The following SLC35D4 variants were observed in gnomAD, a reference collection of about 807,000 sequenced individuals.
SLC35D4 encodes the protein UDP-N-acetylglucosamine transporter SLC35D4.
the SLC35D4 span, chr18:23,356,544 G>T: frequency 1.3e-6 from 2 of 1,592,248 alleles, no homozygotes; most frequent in South Asian, 1.1e-5. The surrounding 1 kb of genome is among the most constrained non-coding windows in gnomAD (Gnocchi z 4.1). Context: ...CAGAGAGGAA[G>T]ACACAGCGGA....
the SLC35D4 span, among the ~76,000 whole-genome samples, chr18:23,361,103 C>CAAAAAAAAAAAAAAAAAA: frequency 8.5e-5 from 8 of 94,106 alleles, no homozygotes; most frequent in East Asian, 5.6e-4. Flanking sequence ...GACTTTGTCT[C>CAAAAAAAAAAAAAAAAAA]AAAAAAAAAA....
chr18:23,287,030 C>T, the SLC35D4 span, among the ~76,000 whole-genome samples: 2,711 of 150,706 alleles, frequency 0.018, 115 homozygotes, highest in African/African-American at 0.062. Context: ...ACCCTTACCC[C>T]GCTCAATACC....
chr18:23,304,065 A>AT, the SLC35D4 span, among the ~76,000 whole-genome samples: 1 of 150,360 alleles, frequency 6.7e-6, no homozygotes, highest in Non-Finnish European at 1.5e-5. Context: ...TAAAAAAAAA[A>AT]AAAAATCATC....
At chr18:23,374,740 C>T in the SLC35D4 span, among the ~76,000 whole-genome samples, 2 of 152,132 alleles carry the variant, frequency 1.3e-5, no homozygotes, top group Non-Finnish European at 2.9e-5. Context: ...CTGCCTCGGC[C>T]TCCCAAAGTG....
At chr18:23,243,380 A>G in the SLC35D4 span, among the ~76,000 whole-genome samples, 1 of 151,312 alleles carries the variant, frequency 6.6e-6, no homozygotes, top group Non-Finnish European at 1.5e-5. Flanking sequence ...GCATCCTGCC[A>G]GCTTTAGGTT....
At chr18:23,337,493 C>T in the SLC35D4 span, among the ~76,000 whole-genome samples, 3 of 151,324 alleles carry the variant, frequency 2.0e-5, no homozygotes, top group Non-Finnish European at 4.4e-5. Context: ...AAAAAAATTA[C>T]ATTATTTAGA....
the SLC35D4 span, among the ~76,000 whole-genome samples, chr18:23,339,527 C>T: frequency 6.6e-6 from 1 of 152,186 alleles, no homozygotes; most frequent in Non-Finnish European, 1.5e-5. Context: ...ATCATCACAA[C>T]GTTTGTGCAC....
the SLC35D4 span, among the ~76,000 whole-genome samples, chr18:23,303,546 T>C: frequency 6.6e-6 from 1 of 152,376 alleles, no homozygotes; most frequent in African/African-American, 2.4e-5. Flanking sequence ...TTTGGCTCAT[T>C]TTGAAATTCT....
chr18:23,370,133 C>G, the SLC35D4 span: 1 of 1,229,124 alleles, frequency 8.1e-7, no homozygotes, highest in Non-Finnish European at 1.1e-6. Flanking sequence ...GAGCTGAGAC[C>G]GCGCCATTGC....
chr18:23,392,745 CTGT>C, the SLC35D4 span, among the ~76,000 whole-genome samples: 1 of 152,116 alleles, frequency 6.6e-6, no homozygotes, highest in Non-Finnish European at 1.5e-5. Context: ...CAGGGAATGG[CTGT>C]TTTCTTCACA....
chr18:23,241,299 G>A, the SLC35D4 span, among the ~76,000 whole-genome samples: 1 of 151,950 alleles, frequency 6.6e-6, no homozygotes, highest in African/African-American at 2.4e-5. Flanking sequence ...AGGTGGGTAA[G>A]GTGGGGGGAT....
At chr18:23,353,934 C>G in the SLC35D4 span, among the ~76,000 whole-genome samples, 2 of 152,164 alleles carry the variant, frequency 1.3e-5, no homozygotes, top group African/African-American at 4.8e-5. Context: ...GTAAGATTAC[C>G]TATCCCCAAA....
the SLC35D4 span, among the ~76,000 whole-genome samples, chr18:23,414,295 G>GAGGAAGGAAGGAAGGAAGGA: frequency 0.018 from 2,286 of 124,038 alleles, 40 homozygotes; most frequent in East Asian, 0.028. Flanking sequence ...AAAAGGAAAG[G>GAGGAAGGAAGGAAGGAAGGA]AGGAAGGAAG....
the SLC35D4 span, among the ~76,000 whole-genome samples, chr18:23,312,320 C>A: frequency 6.6e-6 from 1 of 151,930 alleles, no homozygotes; most frequent in Non-Finnish European, 1.5e-5. Flanking sequence ...GCACCTTTTG[C>A]CAAAAAAAAC....
At chr18:23,385,058 C>T in the SLC35D4 span, 2 of 1,612,974 alleles carry the variant, frequency 1.2e-6, no homozygotes, top group Non-Finnish European at 8.5e-7. Flanking sequence ...GTGAGAAACA[C>T]AGGAATGGCC....
At chr18:23,414,323 A>AAGGAAGGC in the SLC35D4 span, among the ~76,000 whole-genome samples, 1 of 146,024 alleles carries the variant, frequency 6.8e-6, no homozygotes, top group Non-Finnish European at 1.5e-5. Flanking sequence ...GGAAGGAAGG[A>AAGGAAGGC]AGGAAGGAAG....
chr18:23,434,058 G>A, the SLC35D4 span, among the ~76,000 whole-genome samples: 4 of 152,070 alleles, frequency 2.6e-5, no homozygotes, highest in Non-Finnish European at 5.9e-5. Flanking sequence ...AGTCCAAGCC[G>A]ACCCACCCAG....
chr18:23,249,549 G>A, the SLC35D4 span, among the ~76,000 whole-genome samples: 6 of 152,354 alleles, frequency 3.9e-5, no homozygotes, highest in African/African-American at 1.4e-4. Flanking sequence ...GTCCAGACTT[G>A]CTGCGTCTCC....
the SLC35D4 span, among the ~76,000 whole-genome samples, chr18:23,373,084 C>G: frequency 6.6e-6 from 1 of 152,176 alleles, no homozygotes; most frequent in East Asian, 1.9e-4. Flanking sequence ...GAGGCCGAGG[C>G]GGGCAAATCA....
Sources: allele counts gnomAD v4.1 joint callset (sites outside exome capture counted in the v4.1 genomes callset), GRCh38; gene constraint gnomAD v4.1.1; non-coding constraint Gnocchi (gnomAD v3.1); transcripts MANE v1.5; gene names NCBI Gene and HGNC (gene_info 2026-07-23, HGNC 2026-07-21).